SLC19A1: variants seen among roughly 807,000 people sequenced by gnomAD.
SLC19A1 encodes reduced folate transporter.
Under a neutral mutation model 35.3 loss-of-function variants are expected in SLC19A1, and 37 were observed. That is an observed-to-expected ratio of 1.05 (90% CI 0.81 to 1.38). The LOEUF is 1.38. SLC19A1 is among the 40% of genes most tolerant of loss of function. The probability of loss-of-function intolerance (pLI) is 0.00; values close to 1 mark genes in which losing one functional copy is unlikely to be tolerated. For missense variants in SLC19A1, 831 were observed against 826.9 expected (o/e 1.00, Z -0.06); for synonymous variants, 460 against 398.5 (o/e 1.15, Z -1.84).
intron 1 of SLC19A1, among the ~76,000 whole-genome samples, chr21:45,562,085 C>T (rs373275136): frequency 1.4e-5 from 2 of 146,716 alleles, no homozygotes; most frequent in African/African-American, 5.1e-5. Context: ...GAGCTGAGAT[C>T]GCGCCATTGC....
rs12659 is a variant in SLC19A1, at chr21:45,531,642, A to C, written c.696T>G (p.Pro232=). The C allele has an allele frequency of 6.2e-7, 1 of 1,612,042 alleles. No homozygotes were observed. Among genetic ancestry groups the C allele is most frequent in the Non-Finnish European group, 8.5e-7 (1 of 1,179,728 alleles). Reference sequence around the variant, plus strand: ...CGTGTCCCAGCTTCCCGCCTGGGCCAGGATTCATGCGCTCCAGCTCCGAAG... The same window carrying C: ...CGTGTCCCAGCTTCCCGCCTGGGCCCGGATTCATGCGCTCCAGCTCCGAAG... ...TSASELERMN[P]GPGGKLGHAL... Residue 232 remains proline, a synonymous_variant, in exon 3 of 6, where the codon CCT becomes CCG. Coordinates refer to ENST00000311124, the MANE Select transcript of SLC19A1 (RefSeq NM_194255.4).
chr21:45,547,643 T>G (rs2078428138), upstream of SLC19A1, among the ~76,000 whole-genome samples: 1 of 152,202 alleles, frequency 6.6e-6, no homozygotes, highest in African/African-American at 2.4e-5. Flanking sequence ...ACCTGTAACC[T>G]GGAAGCCAGC....
chr21:45,551,135 C>G (rs1176693483), intron 1 of SLC19A1, among the ~76,000 whole-genome samples: 1 of 151,702 alleles, frequency 6.6e-6, no homozygotes, highest in African/African-American at 2.4e-5. Context: ...TCTAAAAACT[C>G]AAGTTTTACT....
chr21:45,529,690 T>G (rs182463399), intron 4 of SLC19A1, among the ~76,000 whole-genome samples: 4 of 145,176 alleles, frequency 2.8e-5, no homozygotes, highest in African/African-American at 7.7e-5. Flanking sequence ...TGAGCATGTG[T>G]TGTGTGTCCG....
At chr21:45,510,956 C>CAT (rs1233993568), downstream of SLC19A1, among the ~76,000 whole-genome samples, 23 of 26,730 alleles carry the variant, frequency 8.6e-4, no homozygotes, top group African/African-American at 1.9e-3. Context: ...CCCACAACAC[C>CAT]CCACATACAC....
At chr21:45,541,642 G>C (rs1305996913) in intron 1 of SLC19A1, 1 of 152,370 alleles carries the variant, frequency 6.6e-6, no homozygotes, top group East Asian at 1.9e-4. Flanking sequence ...GGCTCTCTCT[G>C]AGACGCCTCG....
chr21:45,542,087 C>T (rs1222946171), intron 1 of SLC19A1, among the ~76,000 whole-genome samples: 1 of 148,656 alleles, frequency 6.7e-6, no homozygotes. Flanking sequence ...CGGCCACGCC[C>T]CGCACCCTCC....
chr21:45,542,435 T>C lies in SLC19A1; in HGVS notation c.-117A>G, dbSNP rs965487388. On this transcript the variant is annotated 5_prime_UTR_variant, in exon 1 of 6. Coordinates refer to ENST00000311124, the MANE Select transcript of SLC19A1 (RefSeq NM_194255.4). ...GCCCCGCGCACGCGGACTCCGGGACTACAGCGCCCACAAGGCGGCGCGGCG... is the reference window on the plus strand; with the variant it reads ...GCCCCGCGCACGCGGACTCCGGGACCACAGCGCCCACAAGGCGGCGCGGCG... 7 of 151,220 alleles carry C rather than the reference T, an allele frequency of 4.6e-5. No individual in the cohort carries two copies. The highest frequency in any genetic ancestry group is 1.0e-4 in the Non-Finnish European group (7 of 67,708). 9.4% of individuals were successfully genotyped at this position (151,220 alleles called of 1,614,324 possible).
rs868069154 is a variant in SLC19A1 at position 45,540,539 on chromosome 21, C to T, written c.-50+1829G>A. Among the ~76,000 whole-genome samples the T allele has an allele frequency of 2.9e-4, 44 of 152,234 alleles. No individual in the cohort carries two copies. Among genetic ancestry groups the T allele is most frequent in the African/African-American group, 1.0e-3 (42 of 41,458 alleles). On this transcript the variant is annotated intron_variant, in intron 1 of 5. Coordinates refer to ENST00000311124, the MANE Select transcript of SLC19A1 (RefSeq NM_194255.4). This position sits in a 1 kb window ranked among gnomAD's most constrained non-coding sequence, Gnocchi z 5.5. ...GGCTGCTGCTGGTCTTAACAGTCAG[C>T]CTCTGCTGCCAGCATACTCAACTTA...
At chr21:45,509,293 CAGAT>C (rs2037430478), downstream of SLC19A1, 9 of 1,532,458 alleles carry the variant, frequency 5.9e-6, no homozygotes, top group Admixed American at 5.9e-5. Context: ...GAGGAGGACA[CAGAT>C]GGAGGAGGGG....
chr21:45,508,362 GTGGATGGGTGGATGGATGGTGGGCAGA>G (rs2037363056), downstream of SLC19A1, among the ~76,000 whole-genome samples: 1 of 150,536 alleles, frequency 6.6e-6, no homozygotes, highest in South Asian at 2.1e-4. Flanking sequence ...AAGTGGGTGA[GTGGATGGGTGGATGGATGGTGGGCAGA>G]TGGATGGTGG....
Position 45,515,393 on chromosome 21 carries a change from T to G in SLC19A1, c.*265A>C. On this transcript the variant is annotated 3_prime_UTR_variant, in exon 6 of 6. Transcript: ENST00000311124. ...AGGGGCATGAGCCAGTGAGGCCTGG[T>G]GGACGCAGAAGCCCACCACCCACCT... 1 of 1,434,044 alleles carries G rather than the reference T, an allele frequency of 7.0e-7. No individual in the cohort carries two copies. Among genetic ancestry groups the G allele is most frequent in the Non-Finnish European group, 9.1e-7 (1 of 1,102,632 alleles). The allele number at this position is 1,434,044 out of a possible 1,614,324, so 88.8% of individuals were successfully genotyped here.
intron 2 of SLC19A1, chr21:45,536,067 G>A: frequency 2.9e-6 from 1 of 348,952 alleles, no homozygotes; most frequent in Non-Finnish European, 4.1e-6. Flanking sequence ...AGGAGGGAGG[G>A]CGTGATGAAG....
At chr21:45,559,943 C>T (rs535260902) in intron 1 of SLC19A1, among the ~76,000 whole-genome samples, 3 of 152,324 alleles carry the variant, frequency 2.0e-5, no homozygotes, top group East Asian at 1.9e-4. Context: ...CTCAGGCAAT[C>T]GGCCACAGCC....
chr21:45,520,721 T>C (rs2077411344), intron 5 of SLC19A1, among the ~76,000 whole-genome samples: 1 of 152,152 alleles, frequency 6.6e-6, no homozygotes, highest in Non-Finnish European at 1.5e-5. Flanking sequence ...TGGATGTCCT[T>C]ATAAGAAGAC....
Position 45,534,706 on chromosome 21 carries a change from C to A in SLC19A1, c.190-2558G>T. The A allele has an allele frequency of 3.2e-6, 3 of 933,750 alleles. No individual in the cohort carries two copies. Among genetic ancestry groups the A allele is most frequent in the Non-Finnish European group, 4.9e-6 (3 of 611,148 alleles). The allele number at this position is 933,750 out of a possible 1,614,324, so 57.8% of individuals were successfully genotyped here. On this transcript the variant is annotated intron_variant, in intron 2 of 5. Coordinates refer to ENST00000311124, the MANE Select transcript of SLC19A1 (RefSeq NM_194255.4). The surrounding 1 kb of genome is among the most constrained non-coding windows in gnomAD (Gnocchi z 4.2). Reference sequence around the variant, plus strand: ...CCTCTCCCTGCACCTCCTCAACGGCCCCTACTCCCTCTTCCTCAGCCTTGG... The same window carrying A: ...CCTCTCCCTGCACCTCCTCAACGGCACCTACTCCCTCTTCCTCAGCCTTGG...
rs753709519 is a variant in SLC19A1 at position 45,504,511 on chromosome 21, CGG to C, written c.498-5901_498-5900del. On this transcript the variant is annotated intron_variant, in intron 3 of 4. Transcript: ENST00000417954. ...TCGGCTCCAGCCTGCCCGGCCCCCC[CGG>C]CCCCCCAGGCCCCCCAGGCCCACGT... 75 of 1,577,474 alleles carry C rather than the reference CGG, an allele frequency of 4.8e-5. No homozygotes were observed. Among genetic ancestry groups the C allele is most frequent in the South Asian group, 5.7e-5 (5 of 87,674 alleles).
intron 1 of SLC19A1, among the ~76,000 whole-genome samples, chr21:45,541,069 A>T (rs369698201): frequency 1.3e-5 from 2 of 152,212 alleles, no homozygotes; most frequent in African/African-American, 2.4e-5. Flanking sequence ...CCCTGTTCAG[A>T]TGACCAAGTT....
intron 5 of SLC19A1, among the ~76,000 whole-genome samples, chr21:45,525,537 G>A (rs1030634960): frequency 2.0e-5 from 3 of 152,250 alleles, no homozygotes; most frequent in African/African-American, 7.2e-5. Flanking sequence ...CAGGCAGAGA[G>A]CGGAGACAAG....
Sources: allele counts gnomAD v4.1 joint callset (sites outside exome capture counted in the v4.1 genomes callset), GRCh38; gene constraint gnomAD v4.1.1; non-coding constraint Gnocchi (gnomAD v3.1); transcripts MANE v1.5; gene names NCBI Gene and HGNC (gene_info 2026-07-23, HGNC 2026-07-21).